The following SHISA9 variants were observed in gnomAD, a reference collection of about 807,000 sequenced individuals.
SHISA9 encodes shisa family member 9, also known as protein shisa-9.
In SHISA9, 13 loss-of-function variants were observed where a neutral mutation model predicts 38.0. The ratio of observed to expected loss-of-function variants is 0.34; its 90% CI spans 0.22 to 0.54. SHISA9 has a LOEUF of 0.54. Among genes scored for constraint, SHISA9 ranks in the 20% least tolerant of loss-of-function variants. SHISA9 has a pLI of 0.91. For missense variants in SHISA9, 538 were observed against 575.8 expected, an observed-to-expected ratio of 0.93 and a Z score of 0.67; for synonymous variants, 275 against 242.0, an observed-to-expected ratio of 1.14 and a Z score of -1.27.
the SHISA9 span, among the ~76,000 whole-genome samples, chr16:13,539,444 TG>T: frequency 1.4e-4 from 21 of 150,712 alleles, no homozygotes; most frequent in African/African-American, 5.1e-4. Context: ...CCCAAAGTTC[TG>T]GGATTACAGG....
intron 2 of SHISA9, among the ~76,000 whole-genome samples, chr16:12,951,908 C>T (rs181486958): frequency 1.3e-5 from 2 of 152,264 alleles, no homozygotes; most frequent in Non-Finnish European, 2.9e-5. Context: ...ACAAACAAAA[C>T]CAAACATTTA....
At chr16:13,530,856 A>T in the SHISA9 span, among the ~76,000 whole-genome samples, 2 of 152,174 alleles carry the variant, frequency 1.3e-5, no homozygotes, top group African/African-American at 2.4e-5. Context: ...TGGTCATGTG[A>T]CACAACTTTA....
At chr16:13,472,013 G>A in the SHISA9 span, among the ~76,000 whole-genome samples, 1 of 152,194 alleles carries the variant, frequency 6.6e-6, no homozygotes, top group African/African-American at 2.4e-5. Context: ...TCTGGAGAAT[G>A]AGATGGTCTA....
chr16:13,471,585 G>C, the SHISA9 span, among the ~76,000 whole-genome samples: 1 of 152,142 alleles, frequency 6.6e-6, no homozygotes, highest in Non-Finnish European at 1.5e-5. Context: ...ACCTTGGAAT[G>C]CATCAATTGA....
the SHISA9 span, among the ~76,000 whole-genome samples, chr16:13,502,945 A>G: frequency 6.6e-6 from 1 of 152,200 alleles, no homozygotes; most frequent in African/African-American, 2.4e-5. Flanking sequence ...GAGTCAACAG[A>G]GAAATATGCA....
At chr16:13,390,533 T>A in the SHISA9 span, among the ~76,000 whole-genome samples, 1 of 152,224 alleles carries the variant, frequency 6.6e-6, no homozygotes, top group East Asian at 1.9e-4. Context: ...CTCACTCTGC[T>A]GCTGCCCTTT....
chr16:13,139,394 T>TTTCCATCCTTCCTTCC (rs2050378865), intron 2 of SHISA9, among the ~76,000 whole-genome samples: 1 of 94,992 alleles, frequency 1.1e-5, no homozygotes, highest in African/African-American at 4.6e-5. Context: ...CCCTTCCTTC[T>TTTCCATCCTTCCTTCC]TTCCTTCCTT....
In SHISA9 at chr16:13,237,887, T is replaced by C. The variant is rs184995568; in HGVS notation, c.*2478T>C. On this transcript the variant is annotated 3_prime_UTR_variant, in exon 5 of 5. Coordinates refer to ENST00000558583, the MANE Select transcript of SHISA9 (RefSeq NM_001145204.3). ...TATGTACCTGCAACACACTTTGGCATCTCTGTATATCACCTTCACAATATT... is the reference window on the plus strand; with the variant it reads ...TATGTACCTGCAACACACTTTGGCACCTCTGTATATCACCTTCACAATATT... 2.6e-5 allele frequency: 4 copies of C among 152,262 alleles called. No homozygotes were observed. In the East Asian group the frequency reaches 7.7e-4, roughly 29 times the overall value. The allele number at this position is 152,262 out of a possible 1,614,324, so 9.4% of individuals were successfully genotyped here. A position where few individuals can be genotyped will look rare whatever the true frequency, so the allele number is the denominator to read the frequency against.
chr16:13,007,434 G>C (rs1359891239), intron 2 of SHISA9, among the ~76,000 whole-genome samples: 1 of 152,090 alleles, frequency 6.6e-6, no homozygotes, highest in Non-Finnish European at 1.5e-5. Context: ...CTTTGCACAA[G>C]TGTTCTTTAT....
At chr16:13,031,959 A>G (rs987660673) in intron 2 of SHISA9, among the ~76,000 whole-genome samples, 25 of 152,108 alleles carry the variant, frequency 1.6e-4, no homozygotes, top group African/African-American at 6.0e-4. Flanking sequence ...GTTGTGAGCC[A>G]TGCCCACCCA....
rs763456985 is a variant in SHISA9 at position 13,037,105 on chromosome 16, C to CAG, written c.691+120291_691+120292insGA. 7.6e-3 allele frequency among the ~76,000 whole-genome samples: 509 copies of CAG among 66,894 alleles called. 8 individuals are homozygous for CAG. The highest frequency in any genetic ancestry group is 0.026 in the African/African-American group (457 of 17,618). The allele number at this position is 66,894 out of a possible 152,430, so 43.9% of individuals were successfully genotyped here. The stretch of plus-strand genomic sequence containing the variant: ...ACACCACACCACACACACACACACA[C>CAG]ACAGACACACACACACACACACACA... On this transcript the variant is annotated intron_variant, in intron 2 of 4. Coordinates refer to ENST00000558583, the MANE Select transcript of SHISA9 (RefSeq NM_001145204.3).
At chr16:13,146,025 T>G (rs186917331) in intron 2 of SHISA9, among the ~76,000 whole-genome samples, 83 of 152,324 alleles carry the variant, frequency 5.4e-4, no homozygotes, top group African/African-American at 1.9e-3. Context: ...CTGTCTTTAC[T>G]AAAGATACAA....
chr16:13,271,972 C>T, the SHISA9 span, among the ~76,000 whole-genome samples: 4 of 151,546 alleles, frequency 2.6e-5, no homozygotes, highest in African/African-American at 9.7e-5. Flanking sequence ...CCAGCTACTT[C>T]GGAAGCTGAG....
chr16:13,068,218 T>G (rs2073456981), intron 2 of SHISA9, among the ~76,000 whole-genome samples: 1 of 152,148 alleles, frequency 6.6e-6, no homozygotes, highest in South Asian at 2.1e-4. Context: ...TGCCTCAGTT[T>G]CTCCATTGTG....
the SHISA9 span, among the ~76,000 whole-genome samples, chr16:13,273,232 G>A: frequency 6.6e-6 from 1 of 152,186 alleles, no homozygotes; most frequent in Non-Finnish European, 1.5e-5. Context: ...CTCCTGGTAA[G>A]ACATCTCAAC....
At chr16:13,197,504 T>C (rs955844756) in intron 2 of SHISA9, 1 of 152,180 alleles carries the variant, frequency 6.6e-6, no homozygotes, top group Non-Finnish European at 1.5e-5. Flanking sequence ...AGTTACACGG[T>C]AGTTACCTTG....
chr16:13,318,142 A>G, the SHISA9 span, among the ~76,000 whole-genome samples: 4 of 152,254 alleles, frequency 2.6e-5, no homozygotes, highest in African/African-American at 9.6e-5. Context: ...TGTAAACAAT[A>G]GGTCATAAAC....
At chr16:13,534,733 C>T in the SHISA9 span, among the ~76,000 whole-genome samples, 2 of 152,162 alleles carry the variant, frequency 1.3e-5, no homozygotes, top group Non-Finnish European at 2.9e-5. Context: ...GCTGGATCTT[C>T]CTCATATATC....
At chr16:13,379,588 A>G in the SHISA9 span, among the ~76,000 whole-genome samples, 1,109 of 152,312 alleles carry the variant, frequency 7.3e-3, 3 homozygotes, top group African/African-American at 0.02. Flanking sequence ...TTAAATGTGA[A>G]CACAACCGGG....
Sources: gnomAD v4.1 joint callset for allele counts (sites outside exome capture counted in the v4.1 genomes callset) on GRCh38, gnomAD v4.1.1 for gene constraint, MANE v1.5 for transcripts, NCBI Gene and HGNC (gene_info 2026-07-23, HGNC 2026-07-21) for gene names.